Variants in NUMB observed in about 807,000 individuals in gnomAD.
The protein encoded by NUMB is NUMB endocytic adaptor protein, also known as protein numb homolog.
A neutral mutation model predicts 59.7 loss-of-function variants in NUMB; 29 were observed. That is an observed-to-expected ratio of 0.49 (90% CI 0.36 to 0.66). NUMB has a LOEUF of 0.66. NUMB is among the 30% of genes least tolerant of loss of function. NUMB has a pLI of 0.00. For missense variants in NUMB, 723 were observed against 822.0 expected, an observed-to-expected ratio of 0.88 and a Z score of 1.47; for synonymous variants, 288 against 288.2, an observed-to-expected ratio of 1.00 and a Z score of 0.01.
chr14:73,398,397 A>T (rs1251398114), intron 2 of NUMB, among the ~76,000 whole-genome samples: 6 of 107,832 alleles, frequency 5.6e-5, no homozygotes, highest in Non-Finnish European at 1.0e-4. Context: ...ACACACAGAG[A>T]GAGAGAGAGA....
At chr14:73,447,681 AAAAAAG>A (rs1429525371) in intron 1 of NUMB, among the ~76,000 whole-genome samples, 2 of 151,726 alleles carry the variant, frequency 1.3e-5, no homozygotes, top group African/African-American at 4.8e-5. Flanking sequence ...TCTACAAAAA[AAAAAAG>A]AAAAGAAAAA....
At chr14:73,337,932 C>T (rs376261932) in intron 4 of NUMB, among the ~76,000 whole-genome samples, 1 of 152,282 alleles carries the variant, frequency 6.6e-6, no homozygotes, top group South Asian at 2.1e-4. Flanking sequence ...ACTCTTCTAT[C>T]AACAGTCTTC....
At chr14:73,297,328 A>T in intron 6 of NUMB, 43 bp from the exon 7 acceptor site, 1 of 1,145,638 alleles carries the variant, frequency 8.7e-7, no homozygotes, top group Non-Finnish European at 1.3e-6. Context: ...ATACACATAT[A>T]TAATATTAAA....
chr14:73,312,153 G>C, intron 6 of NUMB, among the ~76,000 whole-genome samples: 1 of 152,186 alleles, frequency 6.6e-6, no homozygotes, highest in Non-Finnish European at 1.5e-5. Context: ...CAGCACCTTG[G>C]GAGGCCAAGG....
At chr14:73,380,724 GTTTT>G (rs759209884) in intron 2 of NUMB, among the ~76,000 whole-genome samples, 7 of 131,176 alleles carry the variant, frequency 5.3e-5, no homozygotes, top group African/African-American at 2.0e-4. Flanking sequence ...TCATCAATTA[GTTTT>G]TTTTTTTTTT....
At chr14:73,369,709 G>A (rs1894568230) in intron 2 of NUMB, among the ~76,000 whole-genome samples, 1 of 152,146 alleles carries the variant, frequency 6.6e-6, no homozygotes, top group African/African-American at 2.4e-5. Flanking sequence ...ATTTACATAT[G>A]ATACAAAAAT....
intron 9 of NUMB, among the ~76,000 whole-genome samples, chr14:73,285,857 T>A (rs60729766): frequency 0.065 from 9,687 of 149,958 alleles, 764 homozygotes; most frequent in African/African-American, 0.18. Flanking sequence ...GCCCAGGAGG[T>A]GAAGGCGGCA....
At chr14:73,317,402 A>G (rs1278798236) in intron 5 of NUMB, among the ~76,000 whole-genome samples, 2 of 152,194 alleles carry the variant, frequency 1.3e-5, no homozygotes, top group African/African-American at 4.8e-5. Flanking sequence ...CCTGGGTTCA[A>G]GCAATGCTCA....
intron 1 of NUMB, among the ~76,000 whole-genome samples, chr14:73,448,686 A>G (rs1302576522): frequency 6.6e-6 from 1 of 152,218 alleles, no homozygotes; most frequent in Non-Finnish European, 1.5e-5. Context: ...TAACAATATC[A>G]GTAAATAAAA....
At chr14:73,413,080 ATTAT>A (rs1481570346) in intron 1 of NUMB, among the ~76,000 whole-genome samples, 2 of 150,214 alleles carry the variant, frequency 1.3e-5, no homozygotes, top group Non-Finnish European at 3.0e-5. Context: ...TTTTATTTTT[ATTAT>A]TTATTATTAT....
intron 1 of NUMB, among the ~76,000 whole-genome samples, chr14:73,439,511 C>T (rs1039164312): frequency 6.6e-6 from 1 of 151,714 alleles, no homozygotes; most frequent in African/African-American, 2.4e-5. Context: ...CATTTCTAAC[C>T]TTCAGTTAGG....
intron 2 of NUMB, among the ~76,000 whole-genome samples, chr14:73,405,228 A>G (rs1896600696): frequency 6.6e-6 from 1 of 152,148 alleles, no homozygotes; most frequent in Non-Finnish European, 1.5e-5. Flanking sequence ...CAGAATTCCA[A>G]CTATCCCCAA....
intron 7 of NUMB, 36 bp downstream of exon 7, chr14:73,297,175 A>C (rs1218150790): frequency 4.2e-6 from 6 of 1,423,978 alleles, no homozygotes; most frequent in Non-Finnish European, 5.9e-6. Flanking sequence ...CTCCAAAAAA[A>C]ATAAAATAAA....
In NUMB at chr14:73,276,983, C is replaced by T; in HGVS notation, c.1551G>A (p.Met517Ile). 1 of 1,614,138 alleles carries T rather than the reference C, an allele frequency of 6.2e-7. No individual in the cohort carries two copies. The highest frequency in any genetic ancestry group is 2.2e-5 in the East Asian group (1 of 44,884). Residue 517 changes from methionine (M) to isoleucine (I), a missense_variant, in exon 13 of 13, where the codon ATG becomes ATA. Around this residue, in one of 2 missense-constraint regions of NUMB, gnomAD observed 406 missense variants for 385.4 expected, o/e 1.05. Transcript: ENST00000555238. The stretch of plus-strand genomic sequence containing the variant: ...CAGGCACATTAGGGGCTGGATAGGG[C>T]ATTCCATTGGCCACAGGATAGGACT... ...PAQSYPVANG[M>I]PYPAPNVPVV...
At chr14:73,374,145 T>C (rs1291020575) in intron 2 of NUMB, among the ~76,000 whole-genome samples, 1 of 152,016 alleles carries the variant, frequency 6.6e-6, no homozygotes, top group East Asian at 1.9e-4. Flanking sequence ...GCTGGGATTA[T>C]AGGCGTGAGC....
intron 2 of NUMB, among the ~76,000 whole-genome samples, chr14:73,367,348 T>TATATATATATATAGAGAGAGAGAG (rs1555375287): frequency 4.7e-5 from 5 of 105,288 alleles, no homozygotes; most frequent in African/African-American, 2.5e-4. Flanking sequence ...TATATATATA[T>TATATATATATATAGAGAGAGAGAG]AGAGAGAGAG....
intron 1 of NUMB, among the ~76,000 whole-genome samples, chr14:73,454,067 G>C (rs776166220): frequency 2.9e-5 from 4 of 136,012 alleles, no homozygotes; most frequent in Non-Finnish European, 4.5e-5. Context: ...AAAGTTGGGC[G>C]GGGGGGGAAC....
At chr14:73,277,676 T>A (rs190195490) in intron 12 of NUMB, among the ~76,000 whole-genome samples, 2 of 151,768 alleles carry the variant, frequency 1.3e-5, no homozygotes, top group Admixed American at 1.3e-4. Context: ...GCAGGAGGAC[T>A]ACTTGAGCCC....
intron 4 of NUMB, among the ~76,000 whole-genome samples, chr14:73,323,568 T>C (rs1322215502): frequency 3.3e-5 from 5 of 152,224 alleles, no homozygotes; most frequent in African/African-American, 7.2e-5. Flanking sequence ...TGAAGCATAA[T>C]AGCCTGCGCT....
Sources: gnomAD v4.1 joint callset for allele counts (sites outside exome capture counted in the v4.1 genomes callset) on GRCh38, gnomAD v4.1.1 for gene constraint, gnomAD v4.1.1 regional missense constraint, MANE v1.5 for transcripts, NCBI Gene and HGNC (gene_info 2026-07-23, HGNC 2026-07-21) for gene names.